Variants in VXN observed in about 807,000 individuals in gnomAD.
The protein encoded by VXN is vexin, also known as uncharacterized protein C8orf46.
Under a neutral mutation model 23.1 loss-of-function variants are expected in VXN, and 7 were observed. That is an observed-to-expected ratio of 0.30 (90% CI 0.17 to 0.57). The LOEUF (loss-of-function observed/expected upper bound fraction) is 0.57. Among genes scored for constraint, VXN ranks in the 20% least tolerant of loss-of-function variants. The pLI is 0.91. For missense variants in VXN, 238 were observed against 272.6 expected, an observed-to-expected ratio of 0.87 and a Z score of 0.89; for synonymous variants, 120 against 105.8, an observed-to-expected ratio of 1.13 and a Z score of -0.83.
chr8:66,505,756 C>T (rs895520091), intron 3 of VXN, among the ~76,000 whole-genome samples: 2 of 152,270 alleles, frequency 1.3e-5, no homozygotes, highest in African/African-American at 4.8e-5. Context: ...AAAACAGTCA[C>T]TCCTAGGTTT....
At chr8:66,499,570 G>T (rs2130543777) in intron 2 of VXN, among the ~76,000 whole-genome samples, 1 of 151,542 alleles carries the variant, frequency 6.6e-6, no homozygotes, top group Admixed American at 6.6e-5. Flanking sequence ...TTGTTTGTTT[G>T]TTTGAGACAC....
intron 4 of VXN, among the ~76,000 whole-genome samples, chr8:66,511,599 A>C (rs1381050696): frequency 6.6e-6 from 1 of 152,194 alleles, no homozygotes; most frequent in South Asian, 2.1e-4. Context: ...GCCAGAGAAA[A>C]AGCAAGGTCA....
chr8:66,505,707 C>T (rs767228638), intron 3 of VXN, among the ~76,000 whole-genome samples, 179 bp downstream of exon 3: 2 of 152,280 alleles, frequency 1.3e-5, no homozygotes, highest in South Asian at 4.1e-4. Context: ...CACCTGCTCT[C>T]AGGCCTCACC....
chr8:66,509,632 A>G (rs1807799347), intron 3 of VXN, among the ~76,000 whole-genome samples: 2 of 150,686 alleles, frequency 1.3e-5, no homozygotes, highest in Non-Finnish European at 3.0e-5. Flanking sequence ...GGCCTTGGGA[A>G]GGAAGGAAGA....
chr8:66,509,396 G>A (rs576221480), intron 3 of VXN, among the ~76,000 whole-genome samples: 92 of 152,312 alleles, frequency 6.0e-4, no homozygotes, highest in Non-Finnish European at 1.2e-3. Context: ...GCATTAGAAA[G>A]AAGGTTCTCT....
chr8:66,495,163 G>A (rs1285032007), intron 1 of VXN: 1 of 152,146 alleles, frequency 6.6e-6, no homozygotes, highest in East Asian at 1.9e-4. Context: ...GGGAAGGTAG[G>A]GAAGGAGAAT....
chr8:66,517,348 A>C lies in VXN; in HGVS notation c.*1272A>C, dbSNP rs1002447677. On this transcript the variant is annotated 3_prime_UTR_variant, in exon 6 of 6. Coordinates refer to ENST00000305454, the MANE Select transcript of VXN (RefSeq NM_152765.4). ...ATATATCATCCTAATCTTTCTAAAA[A>C]CTCTATTAGGTGGCCCTATCCACTT... is the stretch of plus-strand genomic sequence containing the variant. 22 of 152,104 alleles carry C rather than the reference A, an allele frequency of 1.4e-4. No homozygotes were observed. Among genetic ancestry groups the C allele is most frequent in the African/African-American group, 5.3e-4 (22 of 41,414 alleles). The allele number at this position is 152,104 out of a possible 1,614,324, so 9.4% of individuals were successfully genotyped here.
chr8:66,506,065 T>C (rs1807753001), intron 3 of VXN, among the ~76,000 whole-genome samples: 1 of 152,180 alleles, frequency 6.6e-6, no homozygotes, highest in Admixed American at 6.5e-5. Context: ...ATTACAGGCA[T>C]GACCCACTGA....
rs1327471546 is a variant in VXN at position 66,515,759 on chromosome 8, C to T, written c.441-134C>T. On this transcript the variant is annotated intron_variant, in intron 5 of 5. Coordinates refer to ENST00000305454, the MANE Select transcript of VXN (RefSeq NM_152765.4). ...TTCCTGTGAGGGTCCCAACAGTGAC[C>T]TTACAGCTACGTGGATCCCGGTCAC... The T allele has an allele frequency of 4.0e-5, 30 of 754,850 alleles. No homozygotes were observed. In the East Asian group the frequency reaches 7.3e-4, roughly 18 times the overall value. The allele number at this position is 754,850 out of a possible 1,614,324, so 46.8% of individuals were successfully genotyped here.
chr8:66,494,279 G>A (rs185025848), intron 1 of VXN, among the ~76,000 whole-genome samples: 12 of 152,308 alleles, frequency 7.9e-5, no homozygotes, highest in East Asian at 5.8e-4. Flanking sequence ...AATGCGACAC[G>A]AGAGTCTTGA....
At chr8:66,504,274 C>T (rs1018469924) in intron 2 of VXN, among the ~76,000 whole-genome samples, 5 of 152,154 alleles carry the variant, frequency 3.3e-5, no homozygotes, top group African/African-American at 1.2e-4. Context: ...TCACATCCTG[C>T]CTTACTTCCT....
chr8:66,496,893 A>AT (rs58845134), intron 2 of VXN, among the ~76,000 whole-genome samples: 7,328 of 150,288 alleles, frequency 0.049, 506 homozygotes, highest in African/African-American at 0.15. Flanking sequence ...ATAAAATACT[A>AT]TTTTTTTTTT....
At position 66,499,085 on chromosome 8, in the gene VXN, A is replaced by AT. The variant is rs539684063; in HGVS notation, c.126+2601dup. On this transcript the variant is annotated intron_variant, in intron 2 of 5. Transcript: ENST00000305454. ...TCAAGAACCATGGGAAGGAGCAATG[A>AT]TTTTTTTTCTTCTGCAACAAAAGCC... Among the ~76,000 whole-genome samples, 59 of 149,870 alleles carry AT rather than the reference A, an allele frequency of 3.9e-4. No homozygotes were observed. The Middle Eastern group carries it at 0.014, about 35-fold the overall frequency.
chr8:66,515,751 A>G lies in VXN; in HGVS notation c.441-142A>G, dbSNP rs1014300824. On this transcript the variant is annotated intron_variant, in intron 5 of 5. Transcript: ENST00000305454. The stretch of plus-strand genomic sequence containing the variant: ...GGAAGACGTTCCTGTGAGGGTCCCA[A>G]CAGTGACCTTACAGCTACGTGGATC... The G allele has an allele frequency of 1.9e-5, 13 of 690,468 alleles. No individual in the cohort carries two copies. The Admixed American group carries it at 3.0e-4, about 16-fold the overall frequency. 42.8% of individuals were successfully genotyped at this position (690,468 alleles called of 1,614,324 possible). A position where few individuals can be genotyped will look rare whatever the true frequency, so the allele number is the denominator to read the frequency against.
intron 4 of VXN, among the ~76,000 whole-genome samples, chr8:66,511,990 C>G (rs1281158341): frequency 1.3e-5 from 2 of 148,902 alleles, no homozygotes; most frequent in East Asian, 3.9e-4. Context: ...CACTTGAACA[C>G]AGGAGGCAGA....
intron 3 of VXN, among the ~76,000 whole-genome samples, chr8:66,508,433 GC>G (rs1807784350): frequency 1.3e-5 from 2 of 152,016 alleles, no homozygotes; most frequent in African/African-American, 2.4e-5. Flanking sequence ...TCCGTTCCTG[GC>G]CCCTGCCCTC....
At chr8:66,510,185 A>C in intron 4 of VXN, 28 bp downstream of exon 4, 1 of 1,573,500 alleles carries the variant, frequency 6.4e-7, no homozygotes, top group African/African-American at 1.3e-5. Context: ...GCTTAGTTGT[A>C]TCTGTTGTGC....
chr8:66,505,646 G>C, intron 3 of VXN, 118 bp downstream of exon 3: 1 of 1,247,822 alleles, frequency 8.0e-7, no homozygotes, highest in Non-Finnish European at 1.1e-6. Context: ...GTCGCGCCAG[G>C]TGACCAAGCA....
chr8:66,513,968 A>G, intron 5 of VXN: 1 of 236,904 alleles, frequency 4.2e-6, no homozygotes, highest in Non-Finnish European at 8.0e-6. Context: ...ATAGGCATGC[A>G]GGCGTCAGAA....
Sources: allele counts gnomAD v4.1 joint callset (sites outside exome capture counted in the v4.1 genomes callset), GRCh38; gene constraint gnomAD v4.1.1; transcripts MANE v1.5; gene names NCBI Gene and HGNC (gene_info 2026-07-23, HGNC 2026-07-21).